The following NAALADL2 variants were observed in gnomAD, a reference collection of about 807,000 sequenced individuals.
The protein encoded by NAALADL2 is inactive N-acetylated-alpha-linked acidic dipeptidase-like protein 2.
A neutral mutation model predicts 87.2 loss-of-function variants in NAALADL2; 76 were observed. The ratio of observed to expected loss-of-function variants is 0.87; its 90% CI spans 0.72 to 1.05. The LOEUF is 1.05. Among genes scored for constraint, NAALADL2 ranks in the 50% least tolerant of loss-of-function variants. The pLI is 0.00. For synonymous variants in NAALADL2, 354 were observed against 331.0 expected (o/e 1.07, Z -0.75); for missense variants, 1,089 against 945.8 (o/e 1.15, Z -1.99).
intron 5 of NAALADL2, among the ~76,000 whole-genome samples, chr3:175,420,311 G>A (rs1311343854): frequency 5.3e-5 from 8 of 151,958 alleles, no homozygotes; most frequent in Admixed American, 2.0e-4. Context: ...AGAATTGGTT[G>A]GATGGTATCG....
intron 1 of NAALADL2, among the ~76,000 whole-genome samples, chr3:174,884,320 C>T (rs551712192): frequency 4.6e-5 from 7 of 152,146 alleles, no homozygotes; most frequent in African/African-American, 9.7e-5. Context: ...TTCTGGAGAA[C>T]TTTGTGTCCC....
chr3:175,041,144 G>A (rs905449805), intron 1 of NAALADL2, among the ~76,000 whole-genome samples: 2 of 152,048 alleles, frequency 1.3e-5, no homozygotes, highest in Non-Finnish European at 2.9e-5. Flanking sequence ...TCATGCTGAT[G>A]CTATGTTTTC....
At position 175,007,977 on chromosome 3, in the gene NAALADL2, A is replaced by G. The variant is rs886670014; in HGVS notation, c.44-88813A>G. On this transcript the variant is annotated intron_variant, in intron 1 of 13. Transcript: ENST00000454872. ...AGTAACTAGCGACGGGGTAGCATATACAATGTAGATACATTGGGCAAAGAG... is the reference window on the plus strand; with the variant it reads ...AGTAACTAGCGACGGGGTAGCATATGCAATGTAGATACATTGGGCAAAGAG... Among the ~76,000 whole-genome samples the G allele has an allele frequency of 2.6e-5, 4 of 152,166 alleles. 1 individual carries two copies. Among genetic ancestry groups the G allele is most frequent in the African/African-American group, 9.7e-5 (4 of 41,448 alleles).
At chr3:174,617,551 G>A (rs768126494) in intron 2 of NAALADL2, among the ~76,000 whole-genome samples, 10 of 151,624 alleles carry the variant, frequency 6.6e-5, no homozygotes, top group Admixed American at 6.6e-5. Context: ...ATTTTGGGAA[G>A]TAATAAAAAC....
chr3:174,580,019 A>G (rs1256859080), intron 2 of NAALADL2, among the ~76,000 whole-genome samples: 1 of 152,110 alleles, frequency 6.6e-6, no homozygotes. Flanking sequence ...AAGTGAATAA[A>G]TGAGACTTTA....
At chr3:175,302,186 T>C (rs1757166182) in intron 4 of NAALADL2, among the ~76,000 whole-genome samples, 1 of 152,186 alleles carries the variant, frequency 6.6e-6, no homozygotes. Flanking sequence ...ATTACAATCT[T>C]CAAAGCATTA....
chr3:174,457,416 A>G (rs759099910), intron 1 of NAALADL2, among the ~76,000 whole-genome samples: 1 of 152,200 alleles, frequency 6.6e-6, no homozygotes, highest in African/African-American at 2.4e-5. Context: ...CAATTGCAGC[A>G]GTGTTTACAA....
chr3:175,077,599 A>G (rs947151622), intron 1 of NAALADL2, among the ~76,000 whole-genome samples: 4 of 152,196 alleles, frequency 2.6e-5, no homozygotes, highest in African/African-American at 9.6e-5. Context: ...TAATATATTT[A>G]CCATTCCATT....
At chr3:174,787,576 CATATATATAT>C (rs71300440) in intron 3 of NAALADL2, among the ~76,000 whole-genome samples, 288 of 14,724 alleles carry the variant, frequency 0.02, 13 homozygotes, top group African/African-American at 0.047. Context: ...AATATATCAT[CATATATATAT>C]ATATATATAT....
intron 5 of NAALADL2, among the ~76,000 whole-genome samples, chr3:175,370,573 G>T (rs138915021): frequency 4.6e-5 from 7 of 152,004 alleles, no homozygotes; most frequent in Non-Finnish European, 1.5e-5. Flanking sequence ...ACTGATGGCC[G>T]TAAGAGTCAC....
At chr3:175,210,983 G>A (rs2109263585) in intron 2 of NAALADL2, among the ~76,000 whole-genome samples, 1 of 151,718 alleles carries the variant, frequency 6.6e-6, no homozygotes, top group East Asian at 1.9e-4. Context: ...TGTTTTCCAT[G>A]CTGTAAAATT....
chr3:174,578,274 C>G (rs995524870), intron 2 of NAALADL2, among the ~76,000 whole-genome samples: 3 of 151,702 alleles, frequency 2.0e-5, no homozygotes, highest in African/African-American at 7.3e-5. Context: ...TTTATATCCA[C>G]AAATTTTAGG....
intron 1 of NAALADL2, among the ~76,000 whole-genome samples, chr3:174,879,277 G>T (rs1579321099): frequency 6.6e-6 from 1 of 152,176 alleles, no homozygotes; most frequent in East Asian, 1.9e-4. Context: ...CAAAGATGAA[G>T]AAGAAGCCTA....
At chr3:175,631,362 T>C (rs1727737315) in intron 11 of NAALADL2, among the ~76,000 whole-genome samples, 1 of 151,844 alleles carries the variant, frequency 6.6e-6, no homozygotes, top group South Asian at 2.1e-4. Context: ...GTGACATACA[T>C]TAAGCAATAA....
intron 2 of NAALADL2, among the ~76,000 whole-genome samples, chr3:174,709,158 G>A (rs1196429250): frequency 6.6e-6 from 1 of 152,070 alleles, no homozygotes; most frequent in Non-Finnish European, 1.5e-5. Flanking sequence ...AACACAGTGT[G>A]AAGAACAAGG....
intron 2 of NAALADL2, among the ~76,000 whole-genome samples, chr3:174,569,039 A>G (rs1019805104): frequency 2.0e-5 from 3 of 151,514 alleles, no homozygotes; most frequent in Admixed American, 2.0e-4. Flanking sequence ...TTGTATCTCT[A>G]TGGCCTAATA....
At chr3:174,542,907 G>A (rs1309231878) in intron 1 of NAALADL2, among the ~76,000 whole-genome samples, 3 of 152,162 alleles carry the variant, frequency 2.0e-5, no homozygotes, top group African/African-American at 4.8e-5. Context: ...CTAAATATGC[G>A]TGCTGTGGAA....
chr3:175,116,735 C>T (rs9873388), intron 2 of NAALADL2, among the ~76,000 whole-genome samples: 3 of 151,256 alleles, frequency 2.0e-5, no homozygotes, highest in Admixed American at 6.6e-5. Context: ...AAAACAAAAC[C>T]ACAACAACAA....
At position 175,710,402 on chromosome 3, in the gene NAALADL2, A is replaced by T. The variant is rs1279908667; in HGVS notation, c.1897-26904A>T. On this transcript the variant is annotated intron_variant, in intron 11 of 13. Coordinates refer to ENST00000454872, the MANE Select transcript of NAALADL2 (RefSeq NM_207015.3). ...TTTTGAAGAATGGAATATTGAACGC[A>T]AAAAAGGCCAGATAGACATTAATGA... Among the ~76,000 whole-genome samples the T allele has an allele frequency of 3.9e-5, 6 of 151,986 alleles. No individual in the cohort carries two copies. The East Asian group carries it at 1.2e-3, about 29-fold the overall frequency.
Sources: gnomAD v4.1 joint callset for allele counts (sites outside exome capture counted in the v4.1 genomes callset) on GRCh38, gnomAD v4.1.1 for gene constraint, MANE v1.5 for transcripts, NCBI Gene and HGNC (gene_info 2026-07-23, HGNC 2026-07-21) for gene names.